AP1S3: variants seen among roughly 807,000 people sequenced by gnomAD.
AP1S3 encodes adaptor related protein complex 1 subunit sigma 3.
In AP1S3, 10 loss-of-function variants were observed where a neutral mutation model predicts 20.9. The observed-to-expected ratio is 0.48, with a 90% confidence interval of 0.29 to 0.81. AP1S3 has a LOEUF of 0.81. Ranked by LOEUF, AP1S3 falls within the 30% of genes least tolerant of loss-of-function variation. AP1S3 has a pLI of 0.08. For missense variants in AP1S3, 154 were observed against 183.8 expected, an observed-to-expected ratio of 0.84 and a Z score of 0.94; for synonymous variants, 41 against 61.5, an observed-to-expected ratio of 0.67 and a Z score of 1.56.
intron 1 of AP1S3, among the ~76,000 whole-genome samples, chr2:223,780,353 A>C (rs796218788): frequency 1.7e-5 from 1 of 58,580 alleles, no homozygotes; most frequent in African/African-American, 8.3e-5. Context: ...AGAGAGAGAG[A>C]GAGAGTGTGT....
intron 1 of AP1S3, among the ~76,000 whole-genome samples, chr2:223,804,990 G>T (rs577310472): frequency 4.3e-4 from 66 of 152,270 alleles, no homozygotes; most frequent in African/African-American, 1.6e-3. Context: ...TGAGTCAAAT[G>T]AAAATAACCT....
At chr2:223,832,168 T>C (rs1446190536) in intron 1 of AP1S3, among the ~76,000 whole-genome samples, 2 of 150,094 alleles carry the variant, frequency 1.3e-5, no homozygotes, top group African/African-American at 5.0e-5. Context: ...TGTGTGTGTG[T>C]GTGTGTGTGT....
Position 223,837,519 on chromosome 2 carries a change from G to A in AP1S3, c.-69C>T. 1 of 1,147,504 alleles carries A rather than the reference G, an allele frequency of 8.7e-7. No individual in the cohort carries two copies. The allele number at this position is 1,147,504 out of a possible 1,614,324, so 71.1% of individuals were successfully genotyped here. A position where few individuals can be genotyped will look rare whatever the true frequency, so the allele number is the denominator to read the frequency against. ...CTGGAGAAGCGAGGGCGAGAGGCGA[G>A]CGCTGGAGCCGGTGCGGCTGACAGG... On this transcript the variant is annotated 5_prime_UTR_variant, in exon 1 of 5. Transcript: ENST00000396654.
chr2:223,795,524 T>G (rs987234122), intron 1 of AP1S3, among the ~76,000 whole-genome samples: 2 of 152,174 alleles, frequency 1.3e-5, no homozygotes, highest in African/African-American at 4.8e-5. Context: ...GCCAAAATGG[T>G]GTAACTCAAT....
intron 1 of AP1S3, among the ~76,000 whole-genome samples, chr2:223,809,051 CA>C (rs1691650758): frequency 6.6e-6 from 1 of 152,150 alleles, no homozygotes. Context: ...GCATTAAGAA[CA>C]TTATAACAAT....
chr2:223,795,543 C>T (rs894673436), intron 1 of AP1S3, among the ~76,000 whole-genome samples: 4 of 152,174 alleles, frequency 2.6e-5, no homozygotes, highest in East Asian at 1.9e-4. Context: ...ATCACTGTTC[C>T]GGATTTCATC....
At chr2:223,777,261 G>A (rs1690804941) in intron 2 of AP1S3, among the ~76,000 whole-genome samples, 1 of 152,194 alleles carries the variant, frequency 6.6e-6, no homozygotes, top group Admixed American at 6.5e-5. Flanking sequence ...CAGGCATAGT[G>A]GCAGATGCCT....
At chr2:223,761,357 C>T (rs1035402296) in intron 4 of AP1S3, among the ~76,000 whole-genome samples, 1 of 152,150 alleles carries the variant, frequency 6.6e-6, no homozygotes, top group Non-Finnish European at 1.5e-5. Flanking sequence ...TTAGGGTGCA[C>T]CTAGCAGTTT....
At position 223,772,044 on chromosome 2, in the gene AP1S3, G is replaced by C. The variant is rs184466487; in HGVS notation, c.291+3857C>G. 3.0e-3 allele frequency among the ~76,000 whole-genome samples: 453 copies of C among 152,254 alleles called. 9 individuals carry two copies. Among genetic ancestry groups the C allele is most frequent in the Admixed American group, 0.024 (368 of 15,288 alleles). On this transcript the variant is annotated intron_variant, in intron 3 of 4. Transcript: ENST00000396654. ...ATCGCTTGAACCCGGGAGGCGGAAG[G>C]TGCAGTGAGCCGAGACCGCGCCACT...
At chr2:223,831,502 C>A (rs1283301829) in intron 1 of AP1S3, among the ~76,000 whole-genome samples, 1 of 152,142 alleles carries the variant, frequency 6.6e-6, no homozygotes, top group Non-Finnish European at 1.5e-5. Flanking sequence ...AATTTAGGAG[C>A]ATTTGCCTCT....
In AP1S3 at chr2:223,775,938, T is replaced by C. The variant is rs762157021; in HGVS notation, c.254A>G (p.His85Arg). 6 of 1,614,056 alleles carry C rather than the reference T, an allele frequency of 3.7e-6. No individual in the cohort carries two copies. The African/African-American group carries it at 6.7e-5, about 18-fold the overall frequency. The change falls in exon 3 of 5, where the codon CAT (histidine) becomes CGT (arginine). Residue 85 changes from histidine (H) to arginine (R), a missense_variant. Coordinates refer to ENST00000396654, the MANE Select transcript of AP1S3 (RefSeq NM_001039569.2). Reference sequence around the variant, plus strand: ...TTTGTCCAGCAGCTCCACGTAACGATGCACAATCTCTAGCGTCAAGAGCTC... The same window carrying C: ...TTTGTCCAGCAGCTCCACGTAACGACGCACAATCTCTAGCGTCAAGAGCTC... ...DNELLTLEIVHRYVELLDKYF... is the reference protein window; with the variant it reads ...DNELLTLEIVRRYVELLDKYF...
intron 1 of AP1S3, among the ~76,000 whole-genome samples, chr2:223,833,952 A>G (rs1692339193): frequency 6.6e-6 from 1 of 151,372 alleles, no homozygotes; most frequent in African/African-American, 2.4e-5. Flanking sequence ...CTTGTTGCCC[A>G]GGCTGGAGTG....
chr2:223,780,355 A>AGTGTGTGTGTGT (rs1559280876), intron 1 of AP1S3, among the ~76,000 whole-genome samples: 7 of 54,972 alleles, frequency 1.3e-4, no homozygotes, highest in East Asian at 8.7e-4. Context: ...AGAGAGAGAG[A>AGTGTGTGTGTGT]GAGTGTGTGT....
At chr2:223,780,895 C>T (rs912351784) in intron 1 of AP1S3, among the ~76,000 whole-genome samples, 8 of 151,886 alleles carry the variant, frequency 5.3e-5, no homozygotes, top group African/African-American at 1.9e-4. Context: ...GTCAATCAGG[C>T]ACTGAGTATA....
intron 1 of AP1S3, among the ~76,000 whole-genome samples, chr2:223,835,055 T>C (rs931370709): frequency 1.5e-5 from 1 of 68,692 alleles, no homozygotes; most frequent in Non-Finnish European, 3.7e-5. Flanking sequence ...CTTAGTATTA[T>C]TATGAAAATA....
rs1690277889 is a variant in AP1S3 at position 223,758,516 on chromosome 2, A to C, written c.*199T>G. On this transcript the variant is annotated 3_prime_UTR_variant, in exon 5 of 5. Transcript: ENST00000396654. ...CAAGTACCTATACAGTATAACACAG[A>C]CACATAATTTTTTTTAATAATACAG... 7.7e-7 allele frequency: 1 copy of C among 1,292,566 alleles called. No homozygotes were observed. The highest frequency in any genetic ancestry group is 9.8e-7 in the Non-Finnish European group (1 of 1,022,300). The allele number at this position is 1,292,566 out of a possible 1,614,324, so 80.1% of individuals were successfully genotyped here.
At chr2:223,837,069 G>T (rs1224755670) in intron 1 of AP1S3, among the ~76,000 whole-genome samples, 2 of 152,032 alleles carry the variant, frequency 1.3e-5, no homozygotes, top group African/African-American at 4.8e-5. Flanking sequence ...TTGTATATTG[G>T]ACGTGTCCCT....
chr2:223,782,620 A>C (rs894259142), intron 1 of AP1S3, among the ~76,000 whole-genome samples: 3 of 152,348 alleles, frequency 2.0e-5, no homozygotes, highest in Admixed American at 2.0e-4. Context: ...CAACGAACAA[A>C]GAGCAATGTT....
chr2:223,827,063 T>A (rs892688386), intron 1 of AP1S3, among the ~76,000 whole-genome samples: 2 of 152,162 alleles, frequency 1.3e-5, no homozygotes, highest in African/African-American at 2.4e-5. Context: ...AGTTTACCAC[T>A]AACAAACTTC....
Sources: allele counts gnomAD v4.1 joint callset (sites outside exome capture counted in the v4.1 genomes callset), GRCh38; gene constraint gnomAD v4.1.1; transcripts MANE v1.5; gene names NCBI Gene and HGNC (gene_info 2026-07-23, HGNC 2026-07-21).